The following FBXL17 variants were observed in gnomAD, a reference collection of about 807,000 sequenced individuals.
FBXL17 encodes the protein F-box/LRR-repeat protein 17.
FBXL17 carries 22 observed loss-of-function variants against 66.2 expected under a neutral mutation model. The observed-to-expected ratio is 0.33, with a 90% confidence interval of 0.24 to 0.47. FBXL17 has a LOEUF of 0.47. Ranked by LOEUF, FBXL17 falls within the 20% of genes least tolerant of loss-of-function variation. The pLI is 1.00. For missense variants in FBXL17, 878 were observed against 948.2 expected (o/e 0.93, Z 0.97); for synonymous variants, 474 against 400.5 (o/e 1.18, Z -2.19).
intron 6 of FBXL17, among the ~76,000 whole-genome samples, chr5:108,117,433 A>G (rs1750303817): frequency 6.6e-6 from 1 of 152,226 alleles, no homozygotes; most frequent in African/African-American, 2.4e-5. Context: ...TGTTTTAAAT[A>G]TAACCCCAAA....
intron 6 of FBXL17, among the ~76,000 whole-genome samples, chr5:108,141,402 T>C (rs912771430): frequency 3.4e-5 from 4 of 116,110 alleles, no homozygotes; most frequent in African/African-American, 1.5e-4. Context: ...TTCCACACTA[T>C]ATACTTATTT....
chr5:108,016,361 T>C (rs1057238504), intron 7 of FBXL17, among the ~76,000 whole-genome samples: 2 of 152,308 alleles, frequency 1.3e-5, no homozygotes, highest in Middle Eastern at 3.4e-3. Context: ...CAGCAACCTG[T>C]ATGCCCCCAA....
At chr5:108,299,808 C>T in intron 4 of FBXL17, 2 of 984,596 alleles carry the variant, frequency 2.0e-6, no homozygotes, top group South Asian at 4.7e-5. Flanking sequence ...AGCGTGGACA[C>T]AATAACACGA....
chr5:108,170,028 T>C (rs1333462948), intron 6 of FBXL17, among the ~76,000 whole-genome samples: 1 of 152,174 alleles, frequency 6.6e-6, no homozygotes, highest in Non-Finnish European at 1.5e-5. Flanking sequence ...TGTAACTTAC[T>C]CTCTCCCTTC....
intron 7 of FBXL17, among the ~76,000 whole-genome samples, chr5:107,977,492 T>C (rs1462535661): frequency 1.3e-5 from 2 of 152,220 alleles, no homozygotes; most frequent in African/African-American, 4.8e-5. Flanking sequence ...CACACATAGA[T>C]AATTGTCAGA....
intron 4 of FBXL17, among the ~76,000 whole-genome samples, chr5:108,337,064 T>C (rs540618896): frequency 6.6e-6 from 1 of 152,066 alleles, no homozygotes; most frequent in East Asian, 1.9e-4. Flanking sequence ...GAGACCATCC[T>C]GGCCAACATG....
At chr5:108,052,135 GAAAAAA>G (rs2112825507) in intron 6 of FBXL17, among the ~76,000 whole-genome samples, 1 of 33,844 alleles carries the variant, frequency 3.0e-5, no homozygotes, top group Admixed American at 4.1e-4. Flanking sequence ...AAAAAAAAAA[GAAAAAA>G]GAAAAAAGAC....
chr5:108,301,409 T>G (rs891536497), intron 4 of FBXL17, among the ~76,000 whole-genome samples: 4 of 151,530 alleles, frequency 2.6e-5, no homozygotes, highest in African/African-American at 9.7e-5. Context: ...TTTACTAAAT[T>G]TATTTTTACA....
intron 4 of FBXL17, among the ~76,000 whole-genome samples, chr5:108,347,497 T>C (rs544053934): frequency 3.3e-5 from 5 of 152,316 alleles, no homozygotes; most frequent in African/African-American, 9.6e-5. Context: ...TGGAATATTA[T>C]TCAGCCATAA....
intron 8 of FBXL17, among the ~76,000 whole-genome samples, chr5:107,869,980 A>G (rs1748393588): frequency 6.6e-6 from 1 of 152,220 alleles, no homozygotes; most frequent in African/African-American, 2.4e-5. Context: ...GATACAAACA[A>G]GAATAAAGTG....
At chr5:108,129,873 C>A (rs1004039395) in intron 6 of FBXL17, among the ~76,000 whole-genome samples, 2 of 151,718 alleles carry the variant, frequency 1.3e-5, no homozygotes, top group African/African-American at 4.8e-5. Context: ...CAAGAGGCTG[C>A]TGCAGTTCTT....
intron 6 of FBXL17, among the ~76,000 whole-genome samples, chr5:108,068,008 G>A (rs1171539884): frequency 6.6e-6 from 1 of 152,066 alleles, no homozygotes; most frequent in Non-Finnish European, 1.5e-5. Flanking sequence ...ATCATGCTTG[G>A]ACATTTATTG....
intron 6 of FBXL17, among the ~76,000 whole-genome samples, chr5:108,181,581 A>G (rs1753005271): frequency 6.6e-6 from 1 of 152,190 alleles, no homozygotes; most frequent in African/African-American, 2.4e-5. Context: ...TTGAACTTAA[A>G]AAGTTCACAG....
chr5:108,290,966 A>AAACTGCAGAAGTG (rs2150161959), intron 4 of FBXL17, among the ~76,000 whole-genome samples: 1 of 152,358 alleles, frequency 6.6e-6, no homozygotes, highest in African/African-American at 2.4e-5. Flanking sequence ...CAGAATATTA[A>AAACTGCAGAAGTG]AACTGCAGAA....
chr5:108,141,418 C>T (rs1751344826), intron 6 of FBXL17, among the ~76,000 whole-genome samples: 1 of 57,008 alleles, frequency 1.8e-5, no homozygotes, highest in African/African-American at 1.6e-4. Flanking sequence ...TATTTGCTAA[C>T]ATGCTATCCC....
intron 6 of FBXL17, among the ~76,000 whole-genome samples, chr5:108,153,593 C>T (rs1200601968): frequency 1.3e-5 from 2 of 152,126 alleles, no homozygotes; most frequent in Non-Finnish European, 2.9e-5. Flanking sequence ...CGTTGCTGAT[C>T]TACTAGGTGG....
intron 7 of FBXL17, among the ~76,000 whole-genome samples, chr5:107,994,972 C>T (rs992071632): frequency 6.6e-6 from 1 of 152,068 alleles, no homozygotes; most frequent in African/African-American, 2.4e-5. Flanking sequence ...ACTGGTTACC[C>T]TCGGGGTAGG....
intron 3 of FBXL17, among the ~76,000 whole-genome samples, chr5:108,362,061 C>G (rs1022260306): frequency 3.3e-5 from 5 of 152,126 alleles, no homozygotes; most frequent in African/African-American, 7.2e-5. Flanking sequence ...AGAGTTCTGA[C>G]AAAGTTGGAT....
intron 7 of FBXL17, among the ~76,000 whole-genome samples, chr5:107,959,878 G>A (rs149083241): frequency 3.6e-4 from 55 of 152,222 alleles, no homozygotes; most frequent in Admixed American, 9.8e-4. Flanking sequence ...GAAAAGCTCT[G>A]GGAGGTTTAT....
Sources: gnomAD v4.1 joint callset for allele counts (sites outside exome capture counted in the v4.1 genomes callset) on GRCh38, gnomAD v4.1.1 for gene constraint, MANE v1.5 for transcripts, NCBI Gene and HGNC (gene_info 2026-07-23, HGNC 2026-07-21) for gene names.